The following TRMT11 variants were observed in gnomAD, a reference collection of about 807,000 sequenced individuals.
TRMT11 encodes the protein tRNA (guanine(10)-N(2))-methyltransferase TRMT11.
In TRMT11, 53 loss-of-function variants were observed where a neutral mutation model predicts 62.8. The observed-to-expected ratio is 0.84, with a 90% CI of 0.68 to 1.06. The LOEUF is 1.06. TRMT11 is among the 50% of genes least tolerant of loss of function. The pLI is 0.00. For synonymous variants in TRMT11, 188 were observed against 190.3 expected, an observed-to-expected ratio of 0.99 and a Z score of 0.10; for missense variants, 556 against 553.4, an observed-to-expected ratio of 1.00 and a Z score of -0.05.
chr6:126,157,695 T>G (rs1778137086), intron 21 of TRMT11, among the ~76,000 whole-genome samples: 1 of 152,230 alleles, frequency 6.6e-6, no homozygotes, highest in Non-Finnish European at 1.5e-5. Context: ...CAATTGACTG[T>G]TGGGATTTTT....
At chr6:126,093,467 G>A (rs1286205534) in intron 17 of TRMT11, among the ~76,000 whole-genome samples, 1 of 149,614 alleles carries the variant, frequency 6.7e-6, no homozygotes, top group Non-Finnish European at 1.5e-5. Context: ...AAGCAGAAGG[G>A]ACATGTAACT....
chr6:125,990,518 G>A (rs1303073594), intron 1 of TRMT11, among the ~76,000 whole-genome samples: 1 of 152,104 alleles, frequency 6.6e-6, no homozygotes, highest in Non-Finnish European at 1.5e-5. Context: ...TTTTGGATTT[G>A]TAAATGTCTC....
chr6:126,169,674 T>TA (rs1778309045), intron 21 of TRMT11, among the ~76,000 whole-genome samples: 4 of 152,174 alleles, frequency 2.6e-5, no homozygotes. Flanking sequence ...ACACAAAAAA[T>TA]GGAATGCTTT....
intron 21 of TRMT11, among the ~76,000 whole-genome samples, chr6:126,167,578 A>T (rs968786230): frequency 1.4e-4 from 21 of 152,318 alleles, no homozygotes; most frequent in African/African-American, 4.8e-4. Context: ...GCCATCTGTT[A>T]TGGTTCTTAA....
chr6:126,238,408 G>A, the TRMT11 span, among the ~76,000 whole-genome samples: 1 of 151,958 alleles, frequency 6.6e-6, no homozygotes, highest in African/African-American at 2.4e-5. Context: ...CTGGTATGTT[G>A]TATCTTTGTT....
chr6:126,097,735 C>T (rs1777356594), intron 17 of TRMT11, among the ~76,000 whole-genome samples: 2 of 151,672 alleles, frequency 1.3e-5, no homozygotes, highest in African/African-American at 4.8e-5. Flanking sequence ...ATTTAGTTGG[C>T]TAATGAAGAC....
At chr6:126,264,380 G>A in the TRMT11 span, among the ~76,000 whole-genome samples, 1 of 152,030 alleles carries the variant, frequency 6.6e-6, no homozygotes, top group African/African-American at 2.4e-5. Context: ...ATTGCCTGCT[G>A]TGTACTAACT....
intron 7 of TRMT11, among the ~76,000 whole-genome samples, chr6:126,002,637 A>G (rs1792698828): frequency 6.6e-6 from 1 of 152,022 alleles, no homozygotes; most frequent in South Asian, 2.1e-4. Flanking sequence ...TTTATCTCCT[A>G]TCCCCCACTC....
chr6:125,986,701 T>C, intron 1 of TRMT11, 79 bp downstream of exon 1: 1 of 1,359,020 alleles, frequency 7.4e-7, no homozygotes, highest in Non-Finnish European at 1.0e-6. Context: ...GTGATCTGCA[T>C]AGCCCGAGGA....
chr6:126,066,455 T>C (rs1181484725), intron 17 of TRMT11, among the ~76,000 whole-genome samples: 1 of 152,170 alleles, frequency 6.6e-6, no homozygotes, highest in African/African-American at 2.4e-5. Flanking sequence ...CATATGGCCT[T>C]TCTTGGTGCA....
chr6:126,016,165 T>G (rs1008166262), intron 11 of TRMT11, among the ~76,000 whole-genome samples: 3 of 152,226 alleles, frequency 2.0e-5, no homozygotes, highest in African/African-American at 7.2e-5. Flanking sequence ...AAGTGATTCT[T>G]TTTTCCATCA....
downstream of TRMT11, among the ~76,000 whole-genome samples, chr6:126,043,226 C>G (rs557674265): frequency 7.1e-3 from 894 of 126,696 alleles, 10 homozygotes; most frequent in African/African-American, 0.026. Context: ...ACAACAGTCC[C>G]CAGAGTGTGA....
chr6:126,012,878 T>C, intron 10 of TRMT11, 26 bp downstream of exon 10: 1 of 1,609,624 alleles, frequency 6.2e-7, no homozygotes. Context: ...ATATGATGTG[T>C]TACTACCTTG....
Position 126,093,628 on chromosome 6 carries a change from T to C in TRMT11, c.*1438-19238T>C, listed in dbSNP as rs1427574949. Among the ~76,000 whole-genome samples, 281 of 105,802 alleles carry C rather than the reference T, an allele frequency of 2.7e-3. 40 individuals are homozygous for C. The highest frequency in any genetic ancestry group is 0.012 in the African/African-American group (261 of 21,680). The allele number at this position is 105,802 out of a possible 152,430, so 69.4% of individuals were successfully genotyped here. A position where few individuals can be genotyped will look rare whatever the true frequency, so the allele number is the denominator to read the frequency against. On this transcript the variant is annotated intron_variant and NMD_transcript_variant, in intron 17 of 22. Transcript: ENST00000648977. ...ATATATATATATATATATATATATA[T>C]ATATTTTCCCCCAGTCCTGGAGGAT...
intron 21 of TRMT11, among the ~76,000 whole-genome samples, chr6:126,125,847 A>C (rs1777711399): frequency 7.2e-6 from 1 of 138,652 alleles, no homozygotes; most frequent in Non-Finnish European, 1.7e-5. Context: ...GTGTAGGATG[A>C]AATGTTAAAA....
the TRMT11 span, among the ~76,000 whole-genome samples, chr6:126,252,095 T>G: frequency 6.6e-6 from 1 of 152,236 alleles, no homozygotes; most frequent in Non-Finnish European, 1.5e-5. Flanking sequence ...TTTAATATGC[T>G]CACAGATTCT....
the TRMT11 span, among the ~76,000 whole-genome samples, chr6:126,240,703 G>C: frequency 6.6e-6 from 1 of 152,224 alleles, no homozygotes; most frequent in Non-Finnish European, 1.5e-5. Context: ...GTCTCTAGCT[G>C]TGTGCTGGGA....
chr6:126,094,980 T>G (rs1169682050), intron 17 of TRMT11, among the ~76,000 whole-genome samples: 1 of 152,220 alleles, frequency 6.6e-6, no homozygotes, highest in African/African-American at 2.4e-5. Flanking sequence ...CCTTATAGCC[T>G]CACTTTCAAC....
chr6:126,084,267 C>T (rs1355365689), intron 17 of TRMT11, among the ~76,000 whole-genome samples: 4 of 152,130 alleles, frequency 2.6e-5, no homozygotes, highest in Admixed American at 6.5e-5. Flanking sequence ...ATCTTCTGAC[C>T]GTTTGATACC....
Sources: gnomAD v4.1 joint callset for allele counts (sites outside exome capture counted in the v4.1 genomes callset) on GRCh38, gnomAD v4.1.1 for gene constraint, MANE v1.5 for transcripts, NCBI Gene and HGNC (gene_info 2026-07-23, HGNC 2026-07-21) for gene names.